NUDT3: variants seen among roughly 807,000 people sequenced by gnomAD.
NUDT3 encodes nudix hydrolase 3, also known as diphosphoinositol polyphosphate phosphohydrolase 1.
NUDT3 carries 9 observed loss-of-function variants against 23.6 expected under a neutral mutation model. That is an observed-to-expected ratio of 0.38 (90% CI 0.23 to 0.66). The LOEUF (loss-of-function observed/expected upper bound fraction) is 0.66. Among genes scored for constraint, NUDT3 ranks in the 30% least tolerant of loss-of-function variants. The pLI, the probability that NUDT3 is intolerant of heterozygous loss-of-function variation, is 0.52. For synonymous variants in NUDT3, 86 were observed against 82.6 expected (o/e 1.04, Z -0.22); for missense variants, 172 against 218.5 (o/e 0.79, Z 1.34).
intron 1 of NUDT3, among the ~76,000 whole-genome samples, chr6:34,343,386 C>CAAA (rs571227862): frequency 4.2e-5 from 3 of 71,258 alleles, no homozygotes; most frequent in Admixed American, 1.6e-4. Flanking sequence ...CTCGTCTCTA[C>CAAA]AAAAAAAAAA....
At position 34,288,915 on chromosome 6, in the gene NUDT3, C is replaced by T. The variant is rs1455313308; in HGVS notation, c.357G>A (p.Trp119Ter). The change falls in exon 5 of 5, where the codon TGG (tryptophan) becomes TGA (stop). Residue 119 changes from tryptophan to a stop codon, truncating the protein, a stop_gained. Coordinates refer to ENST00000607016, the MANE Select transcript of NUDT3 (RefSeq NM_006703.4). LOFTEE classifies it high-confidence loss of function. ...CTTTTATGGCGTCTTCTATTTTAAA[C>T]CATTCCCTCTTCCTTCCTGTGGAGG... ...DSVNIGRKRE[W>*]FKIEDAIKVL... is the part of the protein sequence containing the mutation. 6.2e-7 allele frequency: 1 copy of T among 1,611,044 alleles called. No homozygotes were observed. The highest frequency in any genetic ancestry group is 1.7e-5 in the Admixed American group (1 of 59,322).
At chr6:34,349,985 G>C (rs1245398445) in intron 1 of NUDT3, among the ~76,000 whole-genome samples, 1 of 150,182 alleles carries the variant, frequency 6.7e-6, no homozygotes, top group East Asian at 1.9e-4. Flanking sequence ...AGCTACTCGG[G>C]AGGCTAGGCA....
rs1764296844 is a variant in NUDT3 at position 34,342,112 on chromosome 6, G to A, written c.100-140C>T. On this transcript the variant is annotated intron_variant, in intron 1 of 4. Coordinates refer to ENST00000607016, the MANE Select transcript of NUDT3 (RefSeq NM_006703.4). ...GCCTTCCCAAATCACTTCTTGCAAA[G>A]TAGCTTTCGTTTCTATTTGAAAAAG... 5 of 724,112 alleles carry A rather than the reference G, an allele frequency of 6.9e-6. No homozygotes were observed. The South Asian group carries it at 7.7e-5, about 11-fold the overall frequency. 44.9% of individuals were successfully genotyped at this position (724,112 alleles called of 1,614,324 possible). A position where few individuals can be genotyped will look rare whatever the true frequency, so the allele number is the denominator to read the frequency against.
rs1159062855 is a variant in NUDT3, at chr6:34,280,909, G to A, written c.*7844C>T. On this transcript the variant is annotated 3_prime_UTR_variant, in exon 5 of 5. Transcript: ENST00000607016. ...CATTTACGCCTCAGCTAAAACATAT[G>A]AGCATGAGGGAAAAGGGACAAGAAA... 2 of 152,162 alleles carry A rather than the reference G, an allele frequency of 1.3e-5. No individual in the cohort carries two copies. Among genetic ancestry groups the A allele is most frequent in the African/African-American group, 4.8e-5 (2 of 41,444 alleles). The allele number at this position is 152,162 out of a possible 1,614,324, so 9.4% of individuals were successfully genotyped here. A position where few individuals can be genotyped will look rare whatever the true frequency, so the allele number is the denominator to read the frequency against.
At chr6:34,297,340 G>C (rs1338521792) in intron 2 of NUDT3, among the ~76,000 whole-genome samples, 1 of 152,010 alleles carries the variant, frequency 6.6e-6, no homozygotes. Flanking sequence ...GAATTAACCA[G>C]TGAAGCTGCC....
At position 34,328,968 on chromosome 6, in the gene NUDT3, G is replaced by C. The variant is rs1038420716; in HGVS notation, c.210+12894C>G. On this transcript the variant is annotated intron_variant, in intron 2 of 4. Transcript: ENST00000607016. ...CTCAGGCTGGGTAAAAGGTACAGAT[G>C]AAAATACAACACAGTCATACTGTGC... Among the ~76,000 whole-genome samples, 20 of 152,258 alleles carry C rather than the reference G, an allele frequency of 1.3e-4. No homozygotes were observed. In the East Asian group the frequency reaches 3.7e-3, roughly 28 times the overall value.
intron 1 of NUDT3, among the ~76,000 whole-genome samples, chr6:34,371,028 T>C (rs912081663): frequency 6.6e-6 from 1 of 151,786 alleles, no homozygotes; most frequent in Non-Finnish European, 1.5e-5. Context: ...GGAGAATCGC[T>C]TGAACCCGGG....
At chr6:34,325,196 T>C (rs1056399737) in intron 2 of NUDT3, among the ~76,000 whole-genome samples, 2 of 152,136 alleles carry the variant, frequency 1.3e-5, no homozygotes, top group East Asian at 1.9e-4. Flanking sequence ...AAACATGATA[T>C]GCTTTCACTG....
intron 1 of NUDT3, among the ~76,000 whole-genome samples, chr6:34,382,072 C>CAAAAAA (rs957166787): frequency 5.7e-5 from 2 of 34,962 alleles, no homozygotes; most frequent in African/African-American, 9.3e-5. Context: ...GACTCTATCT[C>CAAAAAA]AAAAAAAAAA....
intron 1 of NUDT3, among the ~76,000 whole-genome samples, chr6:34,348,760 C>G (rs566269815): frequency 6.6e-6 from 1 of 150,668 alleles, no homozygotes; most frequent in South Asian, 2.1e-4. Flanking sequence ...TGGGTGACAG[C>G]GCAAGACTCC....
intron 2 of NUDT3, among the ~76,000 whole-genome samples, chr6:34,334,137 T>C (rs17696774): frequency 0.094 from 14,339 of 152,270 alleles, 786 homozygotes; most frequent in Non-Finnish European, 0.12. Context: ...TTTCCAGCTT[T>C]GTACAGCCTT....
At position 34,333,892 on chromosome 6, in the gene NUDT3, T is replaced by C. The variant is rs569000777; in HGVS notation, c.210+7970A>G. On this transcript the variant is annotated intron_variant, in intron 2 of 4. Coordinates refer to ENST00000607016, the MANE Select transcript of NUDT3 (RefSeq NM_006703.4). ...ACTAGGCAAAACCAATCAGGTCCTC[T>C]CTTAGGAAGGCTGAATACAGAGTCA... is the stretch of plus-strand genomic sequence containing the variant. Among the ~76,000 whole-genome samples, 3 of 152,382 alleles carry C rather than the reference T, an allele frequency of 2.0e-5. No homozygotes were observed. In the South Asian group the frequency reaches 6.2e-4, roughly 32 times the overall value.
At chr6:34,378,415 A>G (rs1764961248) in intron 1 of NUDT3, among the ~76,000 whole-genome samples, 1 of 152,206 alleles carries the variant, frequency 6.6e-6, no homozygotes, top group East Asian at 1.9e-4. Context: ...GGTGCACTGG[A>G]TTAGTTGAGG....
At chr6:34,295,585 A>G (rs961062960) in intron 3 of NUDT3, 56 bp downstream of exon 3, 21 of 1,578,484 alleles carry the variant, frequency 1.3e-5, no homozygotes, top group African/African-American at 6.8e-5. Context: ...TCCTATGTTA[A>G]TATCTGTGTG....
chr6:34,370,977 G>A (rs1378335613), intron 1 of NUDT3, among the ~76,000 whole-genome samples: 1 of 151,958 alleles, frequency 6.6e-6, no homozygotes, highest in Non-Finnish European at 1.5e-5. Flanking sequence ...AGGGCATGGT[G>A]GCACGTACCT....
intron 1 of NUDT3, among the ~76,000 whole-genome samples, chr6:34,363,063 T>C (rs1764674081): frequency 6.6e-6 from 1 of 152,118 alleles, no homozygotes; most frequent in Non-Finnish European, 1.5e-5. Context: ...CTTAGACTAG[T>C]AAAATGTGCT....
At chr6:34,349,140 ATCC>A (rs1420130824) in intron 1 of NUDT3, among the ~76,000 whole-genome samples, 1 of 152,046 alleles carries the variant, frequency 6.6e-6, no homozygotes, top group East Asian at 1.9e-4. Context: ...GGCTCAAGGG[ATCC>A]TCCTGAGTTG....
chr6:34,317,739 TA>T (rs1443395996), intron 2 of NUDT3, among the ~76,000 whole-genome samples: 1 of 152,174 alleles, frequency 6.6e-6, no homozygotes, highest in Non-Finnish European at 1.5e-5. Flanking sequence ...TTTCAATACA[TA>T]AAAGTCAGCA....
chr6:34,375,995 GCTAA>G (rs1209749838), intron 1 of NUDT3, among the ~76,000 whole-genome samples: 6 of 152,142 alleles, frequency 3.9e-5, no homozygotes, highest in African/African-American at 1.4e-4. Context: ...TTTCTCTTGT[GCTAA>G]CTTTCTATTC....
Sources: allele counts gnomAD v4.1 joint callset (sites outside exome capture counted in the v4.1 genomes callset), GRCh38; gene constraint gnomAD v4.1.1; transcripts MANE v1.5; gene names NCBI Gene and HGNC (gene_info 2026-07-23, HGNC 2026-07-21).